Variants in CNTLN observed in about 807,000 individuals in gnomAD.
The protein encoded by CNTLN is centlein, centrosomal protein.
A neutral mutation model predicts 180.0 loss-of-function variants in CNTLN; 212 were observed. The observed-to-expected ratio is 1.18, with a 90% CI of 1.05 to 1.32. The LOEUF (loss-of-function observed/expected upper bound fraction) is 1.32. CNTLN is among the 40% of genes most tolerant of loss of function. CNTLN has a pLI of 0.00. For synonymous variants in CNTLN, 722 were observed against 563.1 expected, an observed-to-expected ratio of 1.28 and a Z score of -3.99; for missense variants, 2,095 against 1,610.9, an observed-to-expected ratio of 1.30 and a Z score of -5.14.
intron 12 of CNTLN, among the ~76,000 whole-genome samples, chr9:17,362,880 C>A (rs1823515037): frequency 1.3e-5 from 2 of 151,982 alleles, no homozygotes; most frequent in Admixed American, 1.3e-4. Flanking sequence ...TAATGCTATC[C>A]CTCCCCTAGT....
intron 13 of CNTLN, among the ~76,000 whole-genome samples, chr9:17,383,137 C>T (rs575338965): frequency 1.0e-3 from 159 of 152,088 alleles, no homozygotes; most frequent in African/African-American, 3.7e-3. Flanking sequence ...AAAACATATG[C>T]ATTGTACGTA....
intron 25 of CNTLN, chr9:17,487,269 G>T: frequency 1.8e-6 from 1 of 552,242 alleles, no homozygotes; most frequent in Non-Finnish European, 3.2e-6. Flanking sequence ...CCTTGGGATA[G>T]AGCCAACATG....
chr9:17,186,854 C>G lies in CNTLN; in HGVS notation c.450-39349C>G, dbSNP rs567241587. On this transcript the variant is annotated intron_variant, in intron 2 of 25. Transcript: ENST00000380647. Reference sequence around the variant, plus strand: ...TATCCTTTCTATATAATGCTTGAGTCCTACATTTTATGCCCTTCCAGACTA... The same window carrying G: ...TATCCTTTCTATATAATGCTTGAGTGCTACATTTTATGCCCTTCCAGACTA... Among the ~76,000 whole-genome samples the G allele has an allele frequency of 2.0e-5, 3 of 151,976 alleles. No individual in the cohort carries two copies. In the East Asian group the frequency reaches 5.8e-4, roughly 29 times the overall value.
At chr9:17,370,807 A>G (rs930578940) in intron 13 of CNTLN, among the ~76,000 whole-genome samples, 7 of 152,132 alleles carry the variant, frequency 4.6e-5, no homozygotes, top group African/African-American at 1.7e-4. Flanking sequence ...GGACAAAGTT[A>G]AATAATTTTT....
intron 12 of CNTLN, among the ~76,000 whole-genome samples, chr9:17,353,619 A>T: frequency 6.9e-6 from 1 of 144,146 alleles, no homozygotes. Context: ...TTTTTAACTG[A>T]GACGGGGTCT....
chr9:17,451,827 G>T (rs904955786), intron 18 of CNTLN, among the ~76,000 whole-genome samples: 2 of 152,076 alleles, frequency 1.3e-5, no homozygotes, highest in African/African-American at 4.8e-5. Context: ...TTTTTTAAAT[G>T]GTTCATTACT....
chr9:17,386,063 A>G (rs1258699739), intron 13 of CNTLN, among the ~76,000 whole-genome samples: 1 of 152,154 alleles, frequency 6.6e-6, no homozygotes, highest in East Asian at 1.9e-4. Context: ...CCTCAAATTG[A>G]TATAATCACA....
At chr9:17,267,659 G>T (rs990918183) in intron 5 of CNTLN, among the ~76,000 whole-genome samples, 1 of 152,008 alleles carries the variant, frequency 6.6e-6, no homozygotes, top group Non-Finnish European at 1.5e-5. Flanking sequence ...CATTCTCCCC[G>T]ACACTTTCAG....
At chr9:17,298,099 G>A (rs987810151) in intron 6 of CNTLN, 91 bp from the exon 7 acceptor site, 15 of 1,100,236 alleles carry the variant, frequency 1.4e-5, no homozygotes, top group African/African-American at 1.6e-5. Context: ...TGCAAAACAG[G>A]ATGCCAATCT....
chr9:17,289,434 C>G (rs1829215305), intron 6 of CNTLN, among the ~76,000 whole-genome samples: 1 of 124,590 alleles, frequency 8.0e-6, no homozygotes, highest in African/African-American at 3.6e-5. Flanking sequence ...CTCTGGCTGC[C>G]CTTAACATTT....
At chr9:17,490,558 G>C (rs1242854317) in intron 25 of CNTLN, among the ~76,000 whole-genome samples, 1 of 151,972 alleles carries the variant, frequency 6.6e-6, no homozygotes, top group Non-Finnish European at 1.5e-5. Flanking sequence ...TAGACAGTAT[G>C]TTTGTGGTTG....
chr9:17,330,849 G>A (rs376731270), intron 9 of CNTLN, 41 bp downstream of exon 9: 231 of 1,543,618 alleles, frequency 1.5e-4, no homozygotes, highest in Non-Finnish European at 2.5e-5. Context: ...CCAGGATGAG[G>A]CTGGAAAGAC....
At chr9:17,233,601 A>G in intron 3 of CNTLN, among the ~76,000 whole-genome samples, 1 of 152,180 alleles carries the variant, frequency 6.6e-6, no homozygotes, top group African/African-American at 2.4e-5. Flanking sequence ...AAGAGTGTTC[A>G]TAGCAGTATT....
At chr9:17,240,236 T>G (rs1468787624) in intron 5 of CNTLN, among the ~76,000 whole-genome samples, 1 of 152,198 alleles carries the variant, frequency 6.6e-6, no homozygotes, top group Non-Finnish European at 1.5e-5. Flanking sequence ...GGAACTGTTT[T>G]AAATTTTCTC....
intron 8 of CNTLN, among the ~76,000 whole-genome samples, chr9:17,322,979 G>A (rs369568463): frequency 1.3e-5 from 2 of 151,988 alleles, no homozygotes; most frequent in African/African-American, 4.8e-5. Flanking sequence ...AGAATCCTAG[G>A]TTTAGGCTAA....
intron 2 of CNTLN, among the ~76,000 whole-genome samples, chr9:17,216,447 A>G (rs1287029134): frequency 1.3e-5 from 2 of 152,204 alleles, no homozygotes; most frequent in Non-Finnish European, 2.9e-5. Context: ...GTAAAAGGGA[A>G]TAAAGGCAAG....
At chr9:17,299,710 C>G (rs541347636) in intron 7 of CNTLN, 18 of 984,940 alleles carry the variant, frequency 1.8e-5, no homozygotes, top group Non-Finnish European at 2.0e-5. Flanking sequence ...AAAGCACGTT[C>G]CATTGCTAAA....
intron 23 of CNTLN, among the ~76,000 whole-genome samples, chr9:17,478,083 T>C (rs765328870): frequency 6.6e-6 from 1 of 152,238 alleles, no homozygotes; most frequent in Non-Finnish European, 1.5e-5. Context: ...GTTTTTACAA[T>C]GTGCTGAAGG....
chr9:17,349,425 A>G (rs756332045), intron 12 of CNTLN, among the ~76,000 whole-genome samples: 2 of 152,198 alleles, frequency 1.3e-5, no homozygotes, highest in African/African-American at 4.8e-5. Flanking sequence ...AAAAAAAGAT[A>G]TACTATTAAT....
Sources: allele counts gnomAD v4.1 joint callset (sites outside exome capture counted in the v4.1 genomes callset), GRCh38; gene constraint gnomAD v4.1.1; transcripts MANE v1.5; gene names NCBI Gene and HGNC (gene_info 2026-07-23, HGNC 2026-07-21).